TMEM218: variants seen among roughly 807,000 people sequenced by gnomAD.
TMEM218 encodes the protein transmembrane protein 218.
A neutral mutation model predicts 10.0 loss-of-function variants in TMEM218; 8 were observed. The ratio of observed to expected loss-of-function variants is 0.80; its 90% CI spans 0.47 to 1.44. The LOEUF is 1.44. Among genes scored for constraint, TMEM218 ranks in the 40% most tolerant of loss-of-function variants. The pLI, the probability that TMEM218 is intolerant of heterozygous loss-of-function variation, is 0.00. For missense variants in TMEM218, 110 were observed against 140.1 expected, an observed-to-expected ratio of 0.79 and a Z score of 1.08; for synonymous variants, 66 against 63.5, an observed-to-expected ratio of 1.04 and a Z score of -0.18.
At chr11:125,102,043 A>T (rs747908400) in intron 3 of TMEM218, 89 bp downstream of exon 3, 37 of 1,381,378 alleles carry the variant, frequency 2.7e-5, no homozygotes, top group Admixed American at 3.5e-5. Context: ...TACAAAACTG[A>T]TCTCTTAAAT....
chr11:125,105,244 G>C (rs1209649900), intron 1 of TMEM218, among the ~76,000 whole-genome samples: 1 of 152,152 alleles, frequency 6.6e-6, no homozygotes, highest in Admixed American at 6.5e-5. Context: ...TGTGATATGG[G>C]AATCCCAAAT....
intron 4 of TMEM218, among the ~76,000 whole-genome samples, chr11:125,099,921 C>CAAAAAAAA (rs34211632): frequency 2.0e-5 from 2 of 100,348 alleles, no homozygotes; most frequent in Admixed American, 1.1e-4. Flanking sequence ...GAGACTGTCT[C>CAAAAAAAA]AAAAAAAAAA....
chr11:125,105,564 G>T (rs1358152906), intron 1 of TMEM218, among the ~76,000 whole-genome samples: 1 of 152,146 alleles, frequency 6.6e-6, no homozygotes, highest in Non-Finnish European at 1.5e-5. Context: ...CAATTTTTGA[G>T]GGGTTAAAAA....
rs181153130 is a variant in TMEM218, at chr11:125,108,839, A to G, written c.-153+2700T>C. The stretch of plus-strand genomic sequence containing the variant: ...CAAAATTTGCACAGGATGCAGGACA[A>G]TTCTTCGTTGTGAGGACTGTCCCAT... On this transcript the variant is annotated intron_variant, in intron 1 of 4. Coordinates refer to ENST00000682305, the MANE Select transcript of TMEM218 (RefSeq NM_001258244.2). The surrounding 1 kb of genome is among the most constrained non-coding windows in gnomAD (Gnocchi z 5.3). Among the ~76,000 whole-genome samples the G allele has an allele frequency of 5.1e-4, 77 of 152,326 alleles. No homozygotes were observed. Among genetic ancestry groups the G allele is most frequent in the African/African-American group, 1.8e-3 (75 of 41,572 alleles).
chr11:125,109,527 T>C (rs1444539800), intron 1 of TMEM218, among the ~76,000 whole-genome samples: 4 of 152,226 alleles, frequency 2.6e-5, no homozygotes, highest in Non-Finnish European at 4.4e-5. Flanking sequence ...AACATAGATA[T>C]TATACTACCC....
intron 1 of TMEM218, among the ~76,000 whole-genome samples, chr11:125,105,714 G>A (rs1275523840): frequency 1.3e-5 from 2 of 151,678 alleles, no homozygotes; most frequent in Non-Finnish European, 2.9e-5. Context: ...AAAACATACA[G>A]GTAAACAGCA....
chr11:125,105,367 C>G (rs948154962), intron 1 of TMEM218, among the ~76,000 whole-genome samples: 2 of 152,200 alleles, frequency 1.3e-5, no homozygotes, highest in Middle Eastern at 6.8e-3. Flanking sequence ...AAGTGTAAAA[C>G]AAAGATGTTT....
At chr11:125,106,201 A>G (rs1173256059) in intron 1 of TMEM218, among the ~76,000 whole-genome samples, 1 of 152,204 alleles carries the variant, frequency 6.6e-6, no homozygotes, top group East Asian at 1.9e-4. Context: ...TGGTTAAGAC[A>G]GGAAATTCTG....
At chr11:125,111,435 G>A (rs944124154) in intron 1 of TMEM218, 104 bp downstream of exon 1, 7 of 152,198 alleles carry the variant, frequency 4.6e-5, no homozygotes, top group African/African-American at 1.7e-4. Flanking sequence ...GGTAAGGGTG[G>A]TCTGCGAGGT....
rs1949772558 is a variant in TMEM218 at position 125,097,314 on chromosome 11, A to C, written c.*292T>G. ...AGGACTTGAGTGAAAATCCACTCTA[A>C]GCAGATCACTGTTACTATTTCCCTT... On this transcript the variant is annotated 3_prime_UTR_variant, in exon 5 of 5. Coordinates refer to ENST00000682305, the MANE Select transcript of TMEM218 (RefSeq NM_001258244.2). 8.4e-6 allele frequency: 2 copies of C among 238,888 alleles called. No individual in the cohort carries two copies. The highest frequency in any genetic ancestry group is 1.7e-4 in the East Asian group (2 of 11,992). The allele number at this position is 238,888 out of a possible 1,614,324, so 14.8% of individuals were successfully genotyped here. A position where few individuals can be genotyped will look rare whatever the true frequency, so the allele number is the denominator to read the frequency against.
chr11:125,100,379 T>A (rs947650387), intron 4 of TMEM218, among the ~76,000 whole-genome samples: 1 of 152,254 alleles, frequency 6.6e-6, no homozygotes, highest in Non-Finnish European at 1.5e-5. Context: ...TATGTCATAC[T>A]ACTTAGGGCT....
At chr11:125,106,840 C>T (rs1324608837) in intron 1 of TMEM218, among the ~76,000 whole-genome samples, 1 of 152,112 alleles carries the variant, frequency 6.6e-6, no homozygotes, top group East Asian at 1.9e-4. Flanking sequence ...AGGTGTATTC[C>T]CAACAGAAAC....
chr11:125,103,667 A>T (rs1023386245), intron 1 of TMEM218: 1 of 152,242 alleles, frequency 6.6e-6, no homozygotes, highest in African/African-American at 2.4e-5. Context: ...AAACAAGGTC[A>T]TGGTCACAGA....
At chr11:125,105,994 T>C (rs1347743493) in intron 1 of TMEM218, among the ~76,000 whole-genome samples, 1 of 152,022 alleles carries the variant, frequency 6.6e-6, no homozygotes, top group African/African-American at 2.4e-5. Context: ...CTACAGAAAG[T>C]ATAATGAGAG....
At chr11:125,098,339 A>AGG (rs1950011071) in intron 4 of TMEM218, among the ~76,000 whole-genome samples, 4 of 152,200 alleles carry the variant, frequency 2.6e-5, no homozygotes, top group Non-Finnish European at 5.9e-5. Flanking sequence ...CCCAAAGCAG[A>AGG]CAGTGGGCTG....
At chr11:125,104,238 G>A (rs1951594008) in intron 1 of TMEM218, 1 of 152,242 alleles carries the variant, frequency 6.6e-6, no homozygotes. Context: ...AACTTCTCTG[G>A]GGAGCAGTCT....
At chr11:125,103,790 A>G (rs909688691) in intron 1 of TMEM218, 3 of 152,216 alleles carry the variant, frequency 2.0e-5, no homozygotes, top group Non-Finnish European at 2.9e-5. Context: ...ATTGGAGACA[A>G]GTCTTAAGCA....
intron 1 of TMEM218, chr11:125,110,367 C>T (rs1392855164): frequency 6.6e-6 from 1 of 152,170 alleles, no homozygotes; most frequent in Non-Finnish European, 1.5e-5. Flanking sequence ...CAGCAGCTGA[C>T]AACAAAAGCA....
chr11:125,107,799 G>GTA (rs55846847), intron 1 of TMEM218, among the ~76,000 whole-genome samples: 93 of 82,316 alleles, frequency 1.1e-3, no homozygotes, highest in South Asian at 4.1e-3. Flanking sequence ...GGATATGTGT[G>GTA]TATATATATA....
Sources: gnomAD v4.1 joint callset for allele counts (sites outside exome capture counted in the v4.1 genomes callset) on GRCh38, gnomAD v4.1.1 for gene constraint, Gnocchi (gnomAD v3.1) non-coding constraint, MANE v1.5 for transcripts, NCBI Gene and HGNC (gene_info 2026-07-23, HGNC 2026-07-21) for gene names.